The following ASIC2 variants were observed in gnomAD, a reference collection of about 807,000 sequenced individuals.
ASIC2 encodes the protein acid-sensing ion channel 2.
Under a neutral mutation model 57.3 loss-of-function variants are expected in ASIC2, and 25 were observed. That is an observed-to-expected ratio of 0.44 (90% CI 0.32 to 0.61). The LOEUF (loss-of-function observed/expected upper bound fraction) is 0.61. Ranked by LOEUF, ASIC2 falls within the 20% of genes least tolerant of loss-of-function variation. The pLI, the probability that ASIC2 is intolerant of heterozygous loss-of-function variation, is 0.06. For missense variants in ASIC2, 641 were observed against 738.1 expected (o/e 0.87, Z 1.52); for synonymous variants, 319 against 307.5 (o/e 1.04, Z -0.39).
chr17:33,305,236 T>C (rs937744962), intron 1 of ASIC2, among the ~76,000 whole-genome samples: 1 of 152,162 alleles, frequency 6.6e-6, no homozygotes, highest in Non-Finnish European at 1.5e-5. Flanking sequence ...ATGGTTTATT[T>C]CAGATTAAAC....
intron 1 of ASIC2, among the ~76,000 whole-genome samples, chr17:33,863,059 G>A (rs1184291882): frequency 1.3e-5 from 2 of 152,236 alleles, no homozygotes; most frequent in Non-Finnish European, 2.9e-5. Flanking sequence ...AGGAGCGCAA[G>A]TGGCACCTGA....
chr17:33,306,532 T>C (rs1053894271), intron 1 of ASIC2, among the ~76,000 whole-genome samples: 2 of 152,202 alleles, frequency 1.3e-5, no homozygotes, highest in East Asian at 3.8e-4. Context: ...CTTGGACTTA[T>C]CCTCAACTAA....
intron 1 of ASIC2, among the ~76,000 whole-genome samples, chr17:33,948,113 A>G (rs1904442151): frequency 6.6e-6 from 1 of 152,216 alleles, no homozygotes. Flanking sequence ...GTACTGTGCT[A>G]GGTGGGTGCT....
intron 1 of ASIC2, among the ~76,000 whole-genome samples, chr17:33,647,976 C>A (rs962911355): frequency 5.3e-5 from 8 of 152,224 alleles, no homozygotes; most frequent in African/African-American, 1.4e-4. Flanking sequence ...CCATACCTGT[C>A]ACCAGTAATC....
intron 1 of ASIC2, among the ~76,000 whole-genome samples, chr17:33,447,018 C>T (rs1390560811): frequency 1.3e-5 from 2 of 152,148 alleles, no homozygotes; most frequent in Non-Finnish European, 2.9e-5. Context: ...CCTGCCTGGC[C>T]CTTCCTGCTG....
At position 33,926,346 on chromosome 17, in the gene ASIC2, G is replaced by GA. The variant is rs1194392157; in HGVS notation, c.555+229631dup. 3.3e-5 allele frequency among the ~76,000 whole-genome samples: 5 copies of GA among 152,160 alleles called. No individual in the cohort carries two copies. In the South Asian group the frequency reaches 1.0e-3, roughly 32 times the overall value. ...TGGGACCAGACGTATTTTGAATTTTGAACTTTTTTTTTGGGATTTTTGAAT... is the reference window on the plus strand; with the variant it reads ...TGGGACCAGACGTATTTTGAATTTTGAAACTTTTTTTTTGGGATTTTTGAAT... On this transcript the variant is annotated intron_variant, in intron 1 of 9. Transcript: ENST00000359872.
At chr17:33,595,493 T>G (rs540064053) in intron 1 of ASIC2, among the ~76,000 whole-genome samples, 3 of 152,360 alleles carry the variant, frequency 2.0e-5, no homozygotes, top group Admixed American at 6.5e-5. Flanking sequence ...TTATGTAGCC[T>G]TTAACTGCGT....
At chr17:33,417,480 C>T (rs1346245327) in intron 1 of ASIC2, among the ~76,000 whole-genome samples, 1 of 152,204 alleles carries the variant, frequency 6.6e-6, no homozygotes, top group Non-Finnish European at 1.5e-5. Context: ...ACATTCATTG[C>T]TCTTCTCCTT....
intron 1 of ASIC2, among the ~76,000 whole-genome samples, chr17:33,608,011 G>A (rs12937902): frequency 0.26 from 39,117 of 151,974 alleles, 5,359 homozygotes; most frequent in African/African-American, 0.32. Context: ...GAGGAATGGG[G>A]CTTACTCCAT....
intron 1 of ASIC2, among the ~76,000 whole-genome samples, chr17:33,628,822 C>G (rs1906068412): frequency 6.6e-6 from 1 of 152,204 alleles, no homozygotes; most frequent in Non-Finnish European, 1.5e-5. Context: ...AGGAATTTAT[C>G]AATGCCAATG....
At chr17:33,384,253 A>C (rs980852122) in intron 1 of ASIC2, among the ~76,000 whole-genome samples, 11 of 152,202 alleles carry the variant, frequency 7.2e-5, no homozygotes, top group Non-Finnish European at 5.9e-5. Flanking sequence ...CAAATACCCA[A>C]GATTTTGTCA....
At chr17:33,021,380 C>A in intron 6 of ASIC2, 70 bp from the exon 7 acceptor site, 1 of 1,269,776 alleles carries the variant, frequency 7.9e-7, no homozygotes, top group Non-Finnish European at 1.1e-6. Flanking sequence ...TCTAATACAG[C>A]TTTCCCATGG....
chr17:33,362,341 GGT>G (rs1266485732), intron 1 of ASIC2, among the ~76,000 whole-genome samples: 2 of 152,182 alleles, frequency 1.3e-5, no homozygotes, highest in Admixed American at 6.5e-5. Context: ...AGGGGTGGAG[GGT>G]GGTGCAGCTC....
chr17:33,629,351 G>A (rs897856059), intron 1 of ASIC2, among the ~76,000 whole-genome samples: 1 of 152,056 alleles, frequency 6.6e-6, no homozygotes, highest in African/African-American at 2.4e-5. Flanking sequence ...GTCTGAAAGG[G>A]CTGACATTTC....
At chr17:33,582,450 AGTCTGTT>A (rs1904475444) in intron 1 of ASIC2, among the ~76,000 whole-genome samples, 1 of 152,136 alleles carries the variant, frequency 6.6e-6, no homozygotes. Context: ...AGCGCTTAAG[AGTCTGTT>A]GTCTGGAGTC....
At chr17:33,979,761 A>C (rs1281938548) in intron 1 of ASIC2, among the ~76,000 whole-genome samples, 3 of 152,310 alleles carry the variant, frequency 2.0e-5, no homozygotes, top group East Asian at 3.9e-4. Context: ...ATCACTTATA[A>C]GTGGCCAGCC....
At chr17:33,459,034 A>T (rs1305500163) in intron 1 of ASIC2, among the ~76,000 whole-genome samples, 7 of 151,926 alleles carry the variant, frequency 4.6e-5, no homozygotes, top group Non-Finnish European at 8.8e-5. Context: ...TCTGGTTGAA[A>T]TACTAAAACA....
At chr17:33,709,557 C>A (rs531949279) in intron 1 of ASIC2, among the ~76,000 whole-genome samples, 1 of 152,308 alleles carries the variant, frequency 6.6e-6, no homozygotes, top group East Asian at 1.9e-4. Flanking sequence ...TCTCAGGCTT[C>A]CAGCCTCCAG....
At chr17:34,091,743 T>G (rs980211174) in intron 1 of ASIC2, among the ~76,000 whole-genome samples, 4 of 152,188 alleles carry the variant, frequency 2.6e-5, no homozygotes, top group Non-Finnish European at 5.9e-5. Context: ...TGAAAATGAG[T>G]TGAAGCTGTC....
Sources: gnomAD v4.1 joint callset for allele counts (sites outside exome capture counted in the v4.1 genomes callset) on GRCh38, gnomAD v4.1.1 for gene constraint, MANE v1.5 for transcripts, NCBI Gene and HGNC (gene_info 2026-07-23, HGNC 2026-07-21) for gene names.